ST7: variants seen among roughly 807,000 people sequenced by gnomAD.
ST7 encodes the protein suppression of tumorigenicity 7, also known as suppressor of tumorigenicity 7 protein.
A neutral mutation model predicts 78.7 loss-of-function variants in ST7; 28 were observed. That is an observed-to-expected ratio of 0.36 (90% CI 0.26 to 0.49). The LOEUF (loss-of-function observed/expected upper bound fraction) is 0.49, where lower values mean the gene tolerates loss of function less well. Ranked by LOEUF, ST7 falls within the 20% of genes least tolerant of loss-of-function variation. ST7 has a pLI of 0.99. For synonymous variants in ST7, 247 were observed against 249.6 expected, an observed-to-expected ratio of 0.99 and a Z score of 0.10; for missense variants, 418 against 696.0, an observed-to-expected ratio of 0.60 and a Z score of 4.49.
intron 3 of ST7, among the ~76,000 whole-genome samples, chr7:117,125,328 A>G (rs960013715): frequency 3.9e-5 from 6 of 152,164 alleles, no homozygotes; most frequent in Non-Finnish European, 7.4e-5. Flanking sequence ...AGATTTAACC[A>G]TCTCGACAGT....
At chr7:116,961,625 C>A (rs1428407962) in intron 1 of ST7, among the ~76,000 whole-genome samples, 2 of 149,280 alleles carry the variant, frequency 1.3e-5, no homozygotes, top group Non-Finnish European at 3.0e-5. Context: ...GGTCTGCATT[C>A]CTGGTTTGGC....
intron 1 of ST7, among the ~76,000 whole-genome samples, chr7:116,992,629 C>G (rs193164290): frequency 1.7e-4 from 26 of 152,368 alleles, no homozygotes; most frequent in East Asian, 1.2e-3. Context: ...CTGACATACC[C>G]TGGAGACATT....
At chr7:117,169,903 T>C (rs909711885) in intron 9 of ST7, among the ~76,000 whole-genome samples, 10 of 151,968 alleles carry the variant, frequency 6.6e-5, no homozygotes, top group East Asian at 5.8e-4. Flanking sequence ...CCTATTCTCT[T>C]AGTCTCAGAA....
intron 12 of ST7, among the ~76,000 whole-genome samples, chr7:117,198,730 C>G (rs774236875): frequency 6.6e-5 from 10 of 152,118 alleles, no homozygotes; most frequent in Non-Finnish European, 1.3e-4. Flanking sequence ...TTGCACCTGC[C>G]TCCTCAGGTG....
chr7:116,972,088 G>A, intron 1 of ST7: 1 of 528,772 alleles, frequency 1.9e-6, no homozygotes, highest in South Asian at 1.5e-5. Flanking sequence ...CTCAGTTAAA[G>A]GTCAGCTTCA....
intron 10 of ST7, among the ~76,000 whole-genome samples, chr7:117,173,865 C>T (rs1015473650): frequency 6.6e-6 from 1 of 152,022 alleles, no homozygotes; most frequent in Non-Finnish European, 1.5e-5. Context: ...GGGATTAGTT[C>T]TGCTTTTCTG....
At chr7:117,211,830 C>G (rs1792321594) in intron 13 of ST7, among the ~76,000 whole-genome samples, 1 of 152,002 alleles carries the variant, frequency 6.6e-6, no homozygotes, top group South Asian at 2.1e-4. Flanking sequence ...TGAAGTGAAA[C>G]AGGGAGCTAC....
At chr7:116,988,702 G>A (rs1177673690) in intron 1 of ST7, among the ~76,000 whole-genome samples, 1 of 152,098 alleles carries the variant, frequency 6.6e-6, no homozygotes, top group Non-Finnish European at 1.5e-5. Context: ...AAATATGGAA[G>A]CATAAATCAT....
intron 1 of ST7, among the ~76,000 whole-genome samples, chr7:117,019,141 A>G (rs904336287): frequency 3.9e-5 from 6 of 152,216 alleles, no homozygotes; most frequent in African/African-American, 1.4e-4. Context: ...TAGAAAAGGC[A>G]TATACCTTGG....
At chr7:117,174,041 C>A (rs2117285027) in intron 10 of ST7, among the ~76,000 whole-genome samples, 1 of 152,284 alleles carries the variant, frequency 6.6e-6, no homozygotes, top group African/African-American at 2.4e-5. Context: ...AAATCAGTAA[C>A]AATCATATAC....
chr7:116,965,067 C>T (rs912054480), intron 1 of ST7, among the ~76,000 whole-genome samples: 12 of 152,256 alleles, frequency 7.9e-5, no homozygotes, highest in Non-Finnish European at 1.2e-4. Context: ...CGGCCGGGCG[C>T]GGTGGCTCAC....
At chr7:117,098,665 A>G (rs1801314757) in intron 1 of ST7, 1 of 574,192 alleles carries the variant, frequency 1.7e-6, no homozygotes, top group African/African-American at 2.0e-5. Flanking sequence ...ATTTTGGTAT[A>G]TTACTTTGCT....
At chr7:117,099,191 A>G (rs1288988111) in intron 1 of ST7, among the ~76,000 whole-genome samples, 1 of 151,996 alleles carries the variant, frequency 6.6e-6, no homozygotes, top group Non-Finnish European at 1.5e-5. Context: ...AAGTAAGTTG[A>G]AAAAAACCTT....
chr7:117,229,449 A>G (rs1793651068), intron 15 of ST7, among the ~76,000 whole-genome samples: 1 of 152,216 alleles, frequency 6.6e-6, no homozygotes, highest in African/African-American at 2.4e-5. Flanking sequence ...GTTTGACGAC[A>G]CCAGTCATCT....
At chr7:117,101,442 C>T (rs1006919883) in intron 2 of ST7, among the ~76,000 whole-genome samples, 3 of 152,100 alleles carry the variant, frequency 2.0e-5, no homozygotes, top group East Asian at 3.9e-4. Flanking sequence ...TTAGAAGATT[C>T]GAAGCTCAGT....
At chr7:116,972,975 C>A in intron 1 of ST7, 1 of 815,134 alleles carries the variant, frequency 1.2e-6, no homozygotes, top group East Asian at 2.6e-5. Context: ...TTGCAGCCTC[C>A]TCTCCCTCAC....
At chr7:117,044,431 C>T (rs1797386994) in intron 1 of ST7, among the ~76,000 whole-genome samples, 2 of 152,198 alleles carry the variant, frequency 1.3e-5, no homozygotes. Flanking sequence ...ACTGCAACCT[C>T]TGCCTCCTGG....
At chr7:117,171,171 T>G (rs1029809276) in intron 10 of ST7, among the ~76,000 whole-genome samples, 195 bp downstream of exon 10, 15 of 152,220 alleles carry the variant, frequency 9.9e-5, no homozygotes, top group Admixed American at 2.6e-4. Flanking sequence ...AAATGTCACA[T>G]GGCATGTGTC....
chr7:117,125,336 A>C (rs545605248), intron 3 of ST7, among the ~76,000 whole-genome samples: 1 of 152,174 alleles, frequency 6.6e-6, no homozygotes, highest in Non-Finnish European at 1.5e-5. Flanking sequence ...CCATCTCGAC[A>C]GTATTCTTGA....
Sources: allele counts gnomAD v4.1 joint callset (sites outside exome capture counted in the v4.1 genomes callset), GRCh38; gene constraint gnomAD v4.1.1; transcripts MANE v1.5; gene names NCBI Gene and HGNC (gene_info 2026-07-23, HGNC 2026-07-21).